The following BARX1 variants were observed in gnomAD, a reference collection of about 807,000 sequenced individuals.
BARX1 encodes the protein BARX homeobox 1.
In BARX1, 10 loss-of-function variants were observed where a neutral mutation model predicts 19.6. The ratio of observed to expected loss-of-function variants is 0.51; its 90% CI spans 0.31 to 0.86. BARX1 has a LOEUF of 0.86. Among genes scored for constraint, BARX1 ranks in the 40% least tolerant of loss-of-function variants. The probability of loss-of-function intolerance (pLI) is 0.04; values close to 1 mark genes in which losing one functional copy is unlikely to be tolerated. For missense variants in BARX1, 309 were observed against 360.4 expected (o/e 0.86, Z 1.15); for synonymous variants, 177 against 170.0 (o/e 1.04, Z -0.32).
rs1829146044 is a variant in BARX1 at position 93,955,075 on chromosome 9, G to A, written c.72C>T (p.His24=). The A allele has an allele frequency of 7.3e-6, 10 of 1,376,636 alleles. No homozygotes were observed. The highest frequency in any genetic ancestry group is 9.4e-6 in the Non-Finnish European group (10 of 1,059,932). 85.3% of individuals were successfully genotyped at this position (1,376,636 alleles called of 1,614,324 possible). The part of the protein sequence containing the change: ...PPEGCADHRP[H]RYRSFMIEEI... ...CCTCAATCATGAAGCTGCGATAGCG[G>A]TGCGGCCGGTGGTCCGCGCAGCCCT... The change falls in exon 1 of 4, where the codon CAC becomes CAT. Residue 24 remains histidine, a synonymous_variant. Coordinates refer to ENST00000253968, the MANE Select transcript of BARX1 (RefSeq NM_021570.4). The surrounding 1 kb of genome is among the most constrained non-coding windows in gnomAD (Gnocchi z 4.4).
chr9:93,954,994 G>C lies in BARX1; in HGVS notation c.153C>G (p.Ala51=), dbSNP rs780109161. The change falls in exon 1 of 4, where the codon GCC becomes GCG. Residue 51 remains alanine (A), a synonymous_variant. Transcript: ENST00000253968. ...PKGAAPAAAA[A]AAGELLKFGV... is the part of the protein sequence containing the mutation. ...CGAACTTCAGCAGCTCGCCCGCCGCGGCAGCGGCGGCTGCGGGCGCGGCGC... is the reference window on the plus strand; with the variant it reads ...CGAACTTCAGCAGCTCGCCCGCCGCCGCAGCGGCGGCTGCGGGCGCGGCGC... 1.4e-6 allele frequency: 2 copies of C among 1,399,782 alleles called. No homozygotes were observed. The highest frequency in any genetic ancestry group is 1.5e-5 in the South Asian group (1 of 66,880). 86.7% of individuals were successfully genotyped at this position (1,399,782 alleles called of 1,614,324 possible). A position where few individuals can be genotyped will look rare whatever the true frequency, so the allele number is the denominator to read the frequency against.
At chr9:93,953,605 A>G (rs1303231806) in intron 1 of BARX1, among the ~76,000 whole-genome samples, 2 of 152,228 alleles carry the variant, frequency 1.3e-5, no homozygotes, top group East Asian at 3.8e-4. Flanking sequence ...GAAAAAGAAC[A>G]TGCACGGAGC....
intron 1 of BARX1, among the ~76,000 whole-genome samples, chr9:93,954,707 G>C (rs973636926): frequency 6.6e-6 from 1 of 152,190 alleles, no homozygotes; most frequent in Non-Finnish European, 1.5e-5. Context: ...ACCCTCCCCG[G>C]GCGGCCCGCG....
chr9:93,955,114 G>A lies in BARX1; in HGVS notation c.33C>T (p.Arg11=). ...CCGCGCAGCCCTCGGGCGGGCCGAA[G>A]CGCGCGGCGCCCGGCTCCCCCGGCC... The part of the protein sequence containing the change: MQRPGEPGAA[R]FGPPEGCADH... Residue 11 remains arginine (R), a synonymous_variant, in exon 1 of 4, where the codon CGC becomes CGT. Coordinates refer to ENST00000253968, the MANE Select transcript of BARX1 (RefSeq NM_021570.4). This position sits in a 1 kb window ranked among gnomAD's most constrained non-coding sequence, Gnocchi z 4.4. The A allele has an allele frequency of 8.1e-7, 1 of 1,242,102 alleles. No individual in the cohort carries two copies. The highest frequency in any genetic ancestry group is 1.0e-6 in the Non-Finnish European group (1 of 994,484). 76.9% of individuals were successfully genotyped at this position (1,242,102 alleles called of 1,614,324 possible). A position where few individuals can be genotyped will look rare whatever the true frequency, so the allele number is the denominator to read the frequency against.
chr9:93,954,831 C>T (rs1383073624), intron 1 of BARX1, 93 bp downstream of exon 1: 3 of 935,494 alleles, frequency 3.2e-6, no homozygotes, highest in Non-Finnish European at 4.2e-6. Context: ...CCCGGGGCTG[C>T]TTCGATGCCG....
At position 93,955,190 on chromosome 9, in the gene BARX1, C is replaced by T; in HGVS notation, c.-44G>A. The stretch of plus-strand genomic sequence containing the variant: ...GCCCGCGGTTTGGCGGCGGCGGCGG[C>T]GACGGCTTGGCTCCGGCGCGGGGCC... On this transcript the variant is annotated 5_prime_UTR_variant, in exon 1 of 4. Coordinates refer to ENST00000253968, the MANE Select transcript of BARX1 (RefSeq NM_021570.4). The surrounding 1 kb of genome is among the most constrained non-coding windows in gnomAD (Gnocchi z 4.4). 1.1e-6 allele frequency: 1 copy of T among 947,174 alleles called. No individual in the cohort carries two copies. The highest frequency in any genetic ancestry group is 4.7e-5 in the South Asian group (1 of 21,342). The allele number at this position is 947,174 out of a possible 1,614,324, so 58.7% of individuals were successfully genotyped here. A position where few individuals can be genotyped will look rare whatever the true frequency, so the allele number is the denominator to read the frequency against.
chr9:93,952,692 G>A (rs769204571), intron 3 of BARX1, 37 bp downstream of exon 3: 2 of 1,597,450 alleles, frequency 1.3e-6, no homozygotes, highest in South Asian at 1.1e-5. Context: ...GCATGGCCCA[G>A]GAAGCTGAGG....
intron 1 of BARX1, chr9:93,953,485 G>C: frequency 2.4e-6 from 1 of 420,646 alleles, no homozygotes; most frequent in Non-Finnish European, 4.2e-6. Flanking sequence ...GCAGCTGCGA[G>C]AAACTCGGAG....
In BARX1 at chr9:93,953,102, C is replaced by G. The variant is rs1364955819; in HGVS notation, c.309G>C (p.Ala103=). The change falls in exon 2 of 4, where the codon GCG becomes GCC. Residue 103 remains alanine, a synonymous_variant. Transcript: ENST00000253968. ...CGGCGCCGGGCAGCCCGGGCCCTGC[C>G]GCCAGCAACGCAGAGCTCAGCCCTG... ...GCSGLSSALL[A]AGPGLPGAAG... is the part of the protein sequence containing the mutation. 4 of 1,557,428 alleles carry G rather than the reference C, an allele frequency of 2.6e-6. No homozygotes were observed. The highest frequency in any genetic ancestry group is 8.7e-7 in the Non-Finnish European group (1 of 1,152,134).
At chr9:93,954,560 C>T (rs538945515) in intron 1 of BARX1, among the ~76,000 whole-genome samples, 9 of 152,376 alleles carry the variant, frequency 5.9e-5, no homozygotes, top group African/African-American at 2.2e-4. Context: ...CCCTCTGCGG[C>T]GAAGCCCAGG....
In BARX1 at chr9:93,955,241, A is replaced by G. The variant is rs1236206534; in HGVS notation, c.-95T>C. 1 of 507,488 alleles carries G rather than the reference A, an allele frequency of 2.0e-6. No homozygotes were observed. The highest frequency in any genetic ancestry group is 6.7e-5 in the Admixed American group (1 of 14,974). 31.4% of individuals were successfully genotyped at this position (507,488 alleles called of 1,614,324 possible). ...CGCGCGGGGCTCTAGGCCGGCCCGC[A>G]GCTCGGGGCGGCGCGCGGGCGCCGG... On this transcript the variant is annotated 5_prime_UTR_variant, in exon 1 of 4. Transcript: ENST00000253968. The surrounding 1 kb of genome is among the most constrained non-coding windows in gnomAD (Gnocchi z 4.4).
At chr9:93,952,616 G>C (rs1444694830) in intron 3 of BARX1, 113 bp downstream of exon 3, 2 of 1,240,770 alleles carry the variant, frequency 1.6e-6, no homozygotes, top group Middle Eastern at 4.0e-4. Flanking sequence ...CAGGCACCGA[G>C]GGAATCGGGG....
intron 3 of BARX1, 125 bp downstream of exon 3, chr9:93,952,604 A>C (rs933438707): frequency 6.9e-6 from 8 of 1,164,754 alleles, no homozygotes; most frequent in Non-Finnish European, 9.9e-6. Context: ...TCCGGTGCGT[A>C]CCAGGCACCG....
Position 93,955,260 on chromosome 9 carries a change from G to A in BARX1, c.-114C>T, listed in dbSNP as rs1487852463. The A allele has an allele frequency of 2.8e-6, 1 of 354,322 alleles. No individual in the cohort carries two copies. Among genetic ancestry groups the A allele is most frequent in the African/African-American group, 2.3e-5 (1 of 44,322 alleles). 21.9% of individuals were successfully genotyped at this position (354,322 alleles called of 1,614,324 possible). A position where few individuals can be genotyped will look rare whatever the true frequency, so the allele number is the denominator to read the frequency against. On this transcript the variant is annotated 5_prime_UTR_variant, in exon 1 of 4. Transcript: ENST00000253968. The surrounding 1 kb of genome is among the most constrained non-coding windows in gnomAD (Gnocchi z 4.4). ...GCCCGCAGCTCGGGGCGGCGCGCGG[G>A]CGCCGGCTCATGCCCCCTCCCCCGC... is the stretch of plus-strand genomic sequence containing the variant.
In BARX1 at chr9:93,951,749, A is replaced by G. The variant is rs2118176092; in HGVS notation, c.*415T>C. 6.2e-6 allele frequency: 1 copy of G among 162,212 alleles called. No homozygotes were observed. The highest frequency in any genetic ancestry group is 1.3e-5 in the Non-Finnish European group (1 of 74,650). The allele number at this position is 162,212 out of a possible 1,614,324, so 10.0% of individuals were successfully genotyped here. On this transcript the variant is annotated 3_prime_UTR_variant, in exon 4 of 4. Transcript: ENST00000253968. ...CGACGGGTTGCCCCGGGGCAATCTC[A>G]GGCCGTTGTGGCCTGAGCCCAACCG...
At position 93,955,126 on chromosome 9, in the gene BARX1, C is replaced by T; in HGVS notation, c.21G>A (p.Pro7=). 3.3e-6 allele frequency: 4 copies of T among 1,200,092 alleles called. No homozygotes were observed. The highest frequency in any genetic ancestry group is 3.1e-6 in the Non-Finnish European group (3 of 971,234). The allele number at this position is 1,200,092 out of a possible 1,614,324, so 74.3% of individuals were successfully genotyped here. A position where few individuals can be genotyped will look rare whatever the true frequency, so the allele number is the denominator to read the frequency against. The change falls in exon 1 of 4, where the codon CCG becomes CCA. Residue 7 remains proline, a synonymous_variant. Coordinates refer to ENST00000253968, the MANE Select transcript of BARX1 (RefSeq NM_021570.4). The surrounding 1 kb of genome is among the most constrained non-coding windows in gnomAD (Gnocchi z 4.4). MQRPGE[P]GAARFGPPEG... ...CGGGCGGGCCGAAGCGCGCGGCGCC[C>T]GGCTCCCCCGGCCGCTGCATCGCGG...
Position 93,953,077 on chromosome 9 carries a change from C to T in BARX1, c.334G>A (p.Ala112Thr), listed in dbSNP as rs1044700919. 1.3e-6 allele frequency: 2 copies of T among 1,556,124 alleles called. No individual in the cohort carries two copies. The highest frequency in any genetic ancestry group is 1.4e-5 in the African/African-American group (1 of 73,132). Reference protein sequence around the residue: ...LAAGPGLPGAAGAPHLPLELQ... With the variant: ...LAAGPGLPGATGAPHLPLELQ... ...TCGAGCGGCAGGTGTGGCGCACCCG[C>T]GGCGCCGGGCAGCCCGGGCCCTGCC... is the stretch of plus-strand genomic sequence containing the variant. Residue 112 changes from alanine to threonine, a missense_variant, in exon 2 of 4, where the codon GCG becomes ACG. Ala to Thr is a moderately conservative substitution (Grantham distance 58, BLOSUM62 0). Coordinates refer to ENST00000253968, the MANE Select transcript of BARX1 (RefSeq NM_021570.4).
At chr9:93,954,506 G>A (rs1480525778) in intron 1 of BARX1, among the ~76,000 whole-genome samples, 1 of 152,228 alleles carries the variant, frequency 6.6e-6, no homozygotes, top group African/African-American at 2.4e-5. Flanking sequence ...CTCCCCAGAG[G>A]TCCGACTTCC....
Position 93,952,311 on chromosome 9 carries a change from G to A in BARX1, c.618C>T (p.Gly206=), listed in dbSNP as rs1427253735. The part of the protein sequence containing the change: ...KWKKIVLQGG[G]LESPTKPKGR... ...CCTTGGGCTTGGTGGGAGACTCCAG[G>A]CCGCCGCCCTGCAGCACCTGCACGG... The change falls in exon 4 of 4, where the codon GGC becomes GGT. Residue 206 remains glycine, a synonymous_variant. Coordinates refer to ENST00000253968, the MANE Select transcript of BARX1 (RefSeq NM_021570.4). The A allele has an allele frequency of 6.2e-7, 1 of 1,609,580 alleles. No homozygotes were observed. The highest frequency in any genetic ancestry group is 1.7e-5 in the Admixed American group (1 of 59,982).
Sources: allele counts gnomAD v4.1 joint callset (sites outside exome capture counted in the v4.1 genomes callset), GRCh38; gene constraint gnomAD v4.1.1; non-coding constraint Gnocchi (gnomAD v3.1); transcripts MANE v1.5; gene names NCBI Gene and HGNC (gene_info 2026-07-23, HGNC 2026-07-21).